Variants in SGPP2 observed in about 807,000 individuals in gnomAD.
The protein encoded by SGPP2 is sphingosine-1-phosphate phosphatase 2, also known as sphingosine 1-phosphate phosphohydrolase 2.
SGPP2 carries 30 observed loss-of-function variants against 33.9 expected under a neutral mutation model. The observed-to-expected ratio is 0.89, with a 90% confidence interval of 0.66 to 1.20. The LOEUF is 1.20. SGPP2 is among the 50% of genes most tolerant of loss of function. The pLI is 0.00. For missense variants in SGPP2, 458 were observed against 532.1 expected, an observed-to-expected ratio of 0.86 and a Z score of 1.37; for synonymous variants, 233 against 225.0, an observed-to-expected ratio of 1.04 and a Z score of -0.32.
At chr2:222,438,547 G>C (rs1697278917) in intron 1 of SGPP2, among the ~76,000 whole-genome samples, 1 of 152,242 alleles carries the variant, frequency 6.6e-6, no homozygotes, top group African/African-American at 2.4e-5. Context: ...TCATGGACAG[G>C]AATGGAGAAA....
intron 1 of SGPP2, among the ~76,000 whole-genome samples, chr2:222,461,258 A>G (rs1697654821): frequency 6.6e-6 from 1 of 152,180 alleles, no homozygotes; most frequent in Non-Finnish European, 1.5e-5. Context: ...TTAGTAAAGA[A>G]GCTGGTGTTG....
chr2:222,493,976 CCT>C (rs1698237419), intron 2 of SGPP2, among the ~76,000 whole-genome samples: 2 of 152,276 alleles, frequency 1.3e-5, no homozygotes, highest in Non-Finnish European at 2.9e-5. Flanking sequence ...AATTAATTTC[CCT>C]CTGTTTTAAT....
intron 1 of SGPP2, 91 bp downstream of exon 1, chr2:222,424,912 CCGAGAGGG>C: frequency 9.3e-7 from 1 of 1,080,946 alleles, no homozygotes; most frequent in Non-Finnish European, 1.2e-6. Context: ...GCCGGCCGGG[CCGAGAGGG>C]CGCCGTCCCC....
intron 4 of SGPP2, among the ~76,000 whole-genome samples, chr2:222,526,794 A>C (rs1034843824): frequency 6.6e-6 from 1 of 152,162 alleles, no homozygotes; most frequent in Non-Finnish European, 1.5e-5. Flanking sequence ...GTTCTCACTC[A>C]TAAATGGGAG....
At position 222,550,501 on chromosome 2, in the gene SGPP2, C is replaced by A. The variant is rs995316775; in HGVS notation, c.649-7846C>A. On this transcript the variant is annotated intron_variant, in intron 4 of 4. Transcript: ENST00000321276. This position sits in a 1 kb window ranked among gnomAD's most constrained non-coding sequence, Gnocchi z 4.5. ...TTTTATTTCCTTCTGACATTTTATC[C>A]ATGCTTACAAGTATATATTTATATA... 6.6e-5 allele frequency among the ~76,000 whole-genome samples: 10 copies of A among 152,014 alleles called. No individual in the cohort carries two copies. Among genetic ancestry groups the A allele is most frequent in the African/African-American group, 2.2e-4 (9 of 41,394 alleles).
chr2:222,484,862 T>C (rs868686471), intron 2 of SGPP2, among the ~76,000 whole-genome samples: 11 of 152,262 alleles, frequency 7.2e-5, no homozygotes, highest in African/African-American at 9.6e-5. Flanking sequence ...TTGTAGACCA[T>C]GGAGGACTTT....
In SGPP2 at chr2:222,505,261, G is replaced by A. The variant is rs189071296; in HGVS notation, c.379-16506G>A. Among the ~76,000 whole-genome samples the A allele has an allele frequency of 3.4e-3, 520 of 152,294 alleles. 2 individuals are homozygous for A. The highest frequency in any genetic ancestry group is 0.027 in the Middle Eastern group (8 of 294). ...ACCATCATCTAAACTAGAGATAATC[G>A]TATGAAGGTGAGTGGATATATGTAA... On this transcript the variant is annotated intron_variant, in intron 2 of 4. Transcript: ENST00000321276.
At chr2:222,493,644 T>G (rs1263214020) in intron 2 of SGPP2, among the ~76,000 whole-genome samples, 1 of 152,364 alleles carries the variant, frequency 6.6e-6, no homozygotes, top group East Asian at 1.9e-4. Flanking sequence ...CCTAAATGTA[T>G]TCTTAACTAA....
At chr2:222,474,758 T>C in intron 2 of SGPP2, 32 bp downstream of exon 2, 1 of 1,551,006 alleles carries the variant, frequency 6.4e-7, no homozygotes, top group South Asian at 1.2e-5. Context: ...TAACTGATGC[T>C]ACTTCTAAAA....
At chr2:222,424,210 C>G (rs1392117046), upstream of SGPP2, among the ~76,000 whole-genome samples, 1 of 144,100 alleles carries the variant, frequency 6.9e-6, no homozygotes. Flanking sequence ...GGAGCGGCCG[C>G]AGGTGCACGC....
intron 3 of SGPP2, among the ~76,000 whole-genome samples, chr2:222,522,377 G>A (rs1698699282): frequency 6.6e-6 from 1 of 152,152 alleles, no homozygotes; most frequent in South Asian, 2.1e-4. Flanking sequence ...CAGGGCCTGG[G>A]GCCGCAAAGA....
chr2:222,503,964 T>G (rs1406308086), intron 2 of SGPP2: 1 of 152,186 alleles, frequency 6.6e-6, no homozygotes, highest in African/African-American at 2.4e-5. Flanking sequence ...ACAGCTTGAT[T>G]AAGTGATCAT....
intron 2 of SGPP2, among the ~76,000 whole-genome samples, chr2:222,483,466 G>A (rs969148870): frequency 2.0e-5 from 3 of 152,138 alleles, no homozygotes; most frequent in African/African-American, 4.8e-5. Flanking sequence ...TTCACATTCT[G>A]ATTATCAGCA....
intron 1 of SGPP2, among the ~76,000 whole-genome samples, chr2:222,473,074 C>T (rs919507293): frequency 2.6e-5 from 4 of 152,144 alleles, no homozygotes; most frequent in Non-Finnish European, 5.9e-5. Flanking sequence ...GAATTCCTCC[C>T]ATGGGTAGCC....
chr2:222,443,457 T>C (rs1469081530), intron 1 of SGPP2, among the ~76,000 whole-genome samples: 1 of 152,168 alleles, frequency 6.6e-6, no homozygotes. Flanking sequence ...AGCTCCCACA[T>C]ATAAGTGAGA....
At position 222,474,569 on chromosome 2, in the gene SGPP2, C is replaced by G; in HGVS notation, c.221C>G (p.Ala74Gly). The change falls in exon 2 of 5, where the codon GCT becomes GGT. Residue 74 changes from alanine to glycine, a missense_variant and splice_region_variant. Coordinates refer to ENST00000321276, the MANE Select transcript of SGPP2 (RefSeq NM_152386.4). Reference sequence around the variant, plus strand: ...AGTCTTCTAACTTTTGTCTTTTAGGCTTATGTACAGAAGTACGTCGTGAAG... The same window carrying G: ...AGTCTTCTAACTTTTGTCTTTTAGGGTTATGTACAGAAGTACGTCGTGAAG... ...NGLRRAAAPE[A>G]YVQKYVVKNY... The G allele has an allele frequency of 1.2e-6, 2 of 1,613,098 alleles. No individual in the cohort carries two copies. The highest frequency in any genetic ancestry group is 1.7e-6 in the Non-Finnish European group (2 of 1,179,612).
upstream of SGPP2, among the ~76,000 whole-genome samples, chr2:222,424,212 G>A (rs1294703269): frequency 6.6e-6 from 1 of 151,192 alleles, no homozygotes; most frequent in African/African-American, 2.4e-5. Flanking sequence ...AGCGGCCGCA[G>A]GTGCACGCGC....
In SGPP2 at chr2:222,477,452, GGT is replaced by G. The variant is rs1178245500; in HGVS notation, c.378+2731_378+2732del. ...ATATATGTGTGAATGTATGTATATA[GGT>G]GTGTATATATGTGTATGCATGTGTG... On this transcript the variant is annotated intron_variant, in intron 2 of 4. Coordinates refer to ENST00000321276, the MANE Select transcript of SGPP2 (RefSeq NM_152386.4). This position sits in a 1 kb window ranked among gnomAD's most constrained non-coding sequence, Gnocchi z 6.0. Among the ~76,000 whole-genome samples, 2 of 150,662 alleles carry G rather than the reference GGT, an allele frequency of 1.3e-5. No individual in the cohort carries two copies. Among genetic ancestry groups the G allele is most frequent in the East Asian group, 3.9e-4 (2 of 5,096 alleles).
At chr2:222,440,987 A>G (rs1340693507) in intron 1 of SGPP2, among the ~76,000 whole-genome samples, 4 of 152,278 alleles carry the variant, frequency 2.6e-5, no homozygotes, top group Non-Finnish European at 5.9e-5. Context: ...AAAAGAAAAT[A>G]AAACCAGGAA....
Sources: gnomAD v4.1 joint callset for allele counts (sites outside exome capture counted in the v4.1 genomes callset) on GRCh38, gnomAD v4.1.1 for gene constraint, Gnocchi (gnomAD v3.1) non-coding constraint, MANE v1.5 for transcripts, NCBI Gene and HGNC (gene_info 2026-07-23, HGNC 2026-07-21) for gene names.